The following SARDH variants were observed in gnomAD, a reference collection of about 807,000 sequenced individuals.
SARDH encodes sarcosine dehydrogenase.
A neutral mutation model predicts 109.1 loss-of-function variants in SARDH; 95 were observed. The ratio of observed to expected loss-of-function variants is 0.87; its 90% CI spans 0.74 to 1.03. The LOEUF is 1.03. SARDH is among the 50% of genes least tolerant of loss of function. SARDH has a pLI of 0.00. For missense variants in SARDH, 1,267 were observed against 1,287.8 expected, an observed-to-expected ratio of 0.98 and a Z score of 0.25; for synonymous variants, 572 against 534.8, an observed-to-expected ratio of 1.07 and a Z score of -0.96.
chr9:133,720,065 G>A (rs778555572), intron 6 of SARDH, among the ~76,000 whole-genome samples: 3 of 151,194 alleles, frequency 2.0e-5, no homozygotes, highest in Non-Finnish European at 2.9e-5. Context: ...AGCCGAGATC[G>A]TGCCACTGCA....
At chr9:133,686,000 G>A (rs1250867845) in intron 16 of SARDH, among the ~76,000 whole-genome samples, 1 of 152,176 alleles carries the variant, frequency 6.6e-6, no homozygotes, top group East Asian at 1.9e-4. Context: ...GCACCCAGCA[G>A]GTGCTAAGAG....
intron 20 of SARDH, 123 bp from the exon 21 acceptor site, chr9:133,664,137 GT>G: frequency 3.0e-6 from 4 of 1,317,110 alleles, no homozygotes; most frequent in Non-Finnish European, 4.1e-6. Context: ...ACTCATCCCT[GT>G]GCCAGGGACT....
At chr9:133,667,078 A>G in intron 19 of SARDH, 1 of 624,072 alleles carries the variant, frequency 1.6e-6, no homozygotes, top group Non-Finnish European at 2.8e-6. Context: ...GAGTGAGTAA[A>G]AGGGATGAAT....
At chr9:133,731,563 A>C in intron 3 of SARDH, 79 bp from the exon 4 acceptor site, 1 of 1,424,118 alleles carries the variant, frequency 7.0e-7, no homozygotes, top group South Asian at 1.3e-5. Flanking sequence ...CTGGGCATCC[A>C]CCGCAAACCC....
rs569617914 is a variant in SARDH, at chr9:133,730,470, T to A, written c.691-283A>T. On this transcript the variant is annotated intron_variant, in intron 4 of 20. Transcript: ENST00000439388. ...CGTGAAAAAGTAGCTGACTTTTTTTTAAAAAAAAAAAGCAAGATATTTGAT... is the reference window on the plus strand; with the variant it reads ...CGTGAAAAAGTAGCTGACTTTTTTTAAAAAAAAAAAAGCAAGATATTTGAT... 2.7e-3 allele frequency among the ~76,000 whole-genome samples: 394 copies of A among 147,262 alleles called. 23 individuals are homozygous for A. In the South Asian group the frequency reaches 0.077, roughly 29 times the overall value.
chr9:133,738,859 G>A (rs1832970422), upstream of SARDH, among the ~76,000 whole-genome samples: 1 of 152,254 alleles, frequency 6.6e-6, no homozygotes, highest in African/African-American at 2.4e-5. Flanking sequence ...CCCAGGGACA[G>A]GGTCTCCTGG....
rs895811022 is a variant in SARDH, at chr9:133,693,508, C to T, written c.1921+750G>A. Among the ~76,000 whole-genome samples the T allele has an allele frequency of 3.3e-5, 5 of 152,230 alleles. No individual in the cohort carries two copies. Among genetic ancestry groups the T allele is most frequent in the African/African-American group, 7.2e-5 (3 of 41,454 alleles). ...CCCGGGGACAGCACAGAGAGCTGCA[C>T]GGTCAGCACCTTCCCCTGTGCAGGT... On this transcript the variant is annotated intron_variant, in intron 15 of 20. Coordinates refer to ENST00000439388, the MANE Select transcript of SARDH (RefSeq NM_001134707.2). This position sits in a 1 kb window ranked among gnomAD's most constrained non-coding sequence, Gnocchi z 5.6.
chr9:133,690,618 A>G, intron 15 of SARDH, 91 bp from the exon 16 acceptor site: 1 of 1,440,206 alleles, frequency 6.9e-7, no homozygotes. Context: ...CGGCTGAGAA[A>G]ACAAATGCCC....
At chr9:133,684,787 G>A (rs1303566246) in intron 17 of SARDH, among the ~76,000 whole-genome samples, 1 of 152,200 alleles carries the variant, frequency 6.6e-6, no homozygotes, top group Non-Finnish European at 1.5e-5. Flanking sequence ...GCTGCCACAC[G>A]GAGCTCTCCG....
intron 6 of SARDH, 63 bp downstream of exon 6, chr9:133,729,698 CTGGG>C: frequency 7.0e-7 from 1 of 1,433,004 alleles, no homozygotes; most frequent in Non-Finnish European, 9.7e-7. Context: ...TGGGTTCAAG[CTGGG>C]ATTCAGAGCC....
intron 17 of SARDH, among the ~76,000 whole-genome samples, chr9:133,672,261 C>T (rs2797839): frequency 0.54 from 82,546 of 152,026 alleles, 23,030 homozygotes; most frequent in East Asian, 0.78. Flanking sequence ...TGTCACTGGA[C>T]TTAGGACCTT....
intron 17 of SARDH, among the ~76,000 whole-genome samples, chr9:133,676,120 CA>C (rs1830503574): frequency 1.3e-5 from 2 of 151,162 alleles, no homozygotes; most frequent in Non-Finnish European, 3.0e-5. Context: ...ACACCAAAAA[CA>C]GATGATGAAC....
At chr9:133,672,813 G>A (rs927252592) in intron 17 of SARDH, among the ~76,000 whole-genome samples, 5 of 152,240 alleles carry the variant, frequency 3.3e-5, no homozygotes, top group South Asian at 2.1e-4. Context: ...GATTGCCGTC[G>A]CAGACGGGCC....
intron 5 of SARDH, 96 bp downstream of exon 5, chr9:133,729,968 G>A (rs1009946285): frequency 5.0e-6 from 8 of 1,589,580 alleles, no homozygotes; most frequent in Non-Finnish European, 6.9e-6. Flanking sequence ...CCTAGCAGGG[G>A]CTCCCCACCC....
At chr9:133,720,219 G>C (rs912697458) in intron 6 of SARDH, among the ~76,000 whole-genome samples, 1 of 151,968 alleles carries the variant, frequency 6.6e-6, no homozygotes. Flanking sequence ...CTGAGGTCAG[G>C]AGTTCAAAAT....
chr9:133,733,997 T>G lies in SARDH; in HGVS notation c.177A>C (p.Pro59=), dbSNP rs1269718449. The G allele has an allele frequency of 1.4e-5, 23 of 1,612,874 alleles. No individual in the cohort carries two copies. The highest frequency in any genetic ancestry group is 1.9e-5 in the Non-Finnish European group (22 of 1,179,848). ...TGGCCGTGCTGGGCAGGGGCCGGCT[T>G]GGGCCTTGGGCCACCACCGAGGTGC... ...GQGTSVVAQG[P]SRPLPSTANV... The change falls in exon 2 of 21, where the codon CCA becomes CCC. Residue 59 remains proline, a synonymous_variant. Coordinates refer to ENST00000439388, the MANE Select transcript of SARDH (RefSeq NM_001134707.2).
intron 6 of SARDH, among the ~76,000 whole-genome samples, chr9:133,723,655 C>T (rs372793524): frequency 4.5e-4 from 69 of 152,100 alleles, no homozygotes; most frequent in African/African-American, 1.3e-3. Flanking sequence ...CCCAGCTACT[C>T]GGGAGGCTGA....
intron 19 of SARDH, among the ~76,000 whole-genome samples, chr9:133,668,093 G>A (rs925202253): frequency 6.6e-6 from 1 of 151,952 alleles, no homozygotes; most frequent in African/African-American, 2.4e-5. Flanking sequence ...ACTTCATGGA[G>A]GGCCAGAAGG....
chr9:133,724,155 A>C, intron 6 of SARDH, among the ~76,000 whole-genome samples: 1 of 152,168 alleles, frequency 6.6e-6, no homozygotes, highest in East Asian at 1.9e-4. Context: ...AAAAGCGAAA[A>C]GGCTATGTAA....
Sources: gnomAD v4.1 joint callset for allele counts (sites outside exome capture counted in the v4.1 genomes callset) on GRCh38, gnomAD v4.1.1 for gene constraint, Gnocchi (gnomAD v3.1) non-coding constraint, MANE v1.5 for transcripts, NCBI Gene and HGNC (gene_info 2026-07-23, HGNC 2026-07-21) for gene names.